PTTG1IP2: variants seen among roughly 807,000 people sequenced by gnomAD.
PTTG1IP2 encodes the protein PTTG1IP family member 2.
At chr7:90,511,200 C>G (rs1798186126) in intron 6 of PTTG1IP2, among the ~76,000 whole-genome samples, 1 of 152,018 alleles carries the variant, frequency 6.6e-6, no homozygotes, top group Non-Finnish European at 1.5e-5. Flanking sequence ...CTTTCATAAC[C>G]CCTCTTAGGA....
chr7:90,502,435 T>G (rs917879654), intron 6 of PTTG1IP2, among the ~76,000 whole-genome samples: 1 of 152,248 alleles, frequency 6.6e-6, no homozygotes, highest in Non-Finnish European at 1.5e-5. Context: ...TAATGGCATC[T>G]ATAATGGTGG....
intron 2 of PTTG1IP2, among the ~76,000 whole-genome samples, chr7:90,481,278 T>C (rs1251787302): frequency 1.3e-5 from 2 of 152,158 alleles, no homozygotes; most frequent in Non-Finnish European, 2.9e-5. Context: ...ATGCAATGCA[T>C]ACACCCTCTT....
At chr7:90,512,629 T>C (rs1798203761) in intron 6 of PTTG1IP2, among the ~76,000 whole-genome samples, 1 of 152,174 alleles carries the variant, frequency 6.6e-6, no homozygotes, top group African/African-American at 2.4e-5. Context: ...AGCTGAGCTT[T>C]AGACTATAAA....
intron 6 of PTTG1IP2, among the ~76,000 whole-genome samples, chr7:90,499,447 G>T (rs1485254892): frequency 6.6e-6 from 1 of 152,070 alleles, no homozygotes; most frequent in Admixed American, 6.5e-5. Context: ...AGATGCTATT[G>T]TAGGGGGACA....
At chr7:90,505,610 A>G (rs561413410) in intron 6 of PTTG1IP2, among the ~76,000 whole-genome samples, 3 of 152,324 alleles carry the variant, frequency 2.0e-5, no homozygotes, top group Non-Finnish European at 2.9e-5. Context: ...TATGAGTGGC[A>G]GAATGACAAT....
intron 5 of PTTG1IP2, among the ~76,000 whole-genome samples, chr7:90,493,575 G>A (rs866681666): frequency 2.4e-4 from 36 of 152,296 alleles, no homozygotes; most frequent in Middle Eastern, 3.4e-3. Flanking sequence ...AGGTAGACAC[G>A]GTTATCTTTA....
intron 2 of PTTG1IP2, among the ~76,000 whole-genome samples, chr7:90,486,538 C>A (rs1196502641): frequency 7.0e-6 from 1 of 143,666 alleles, no homozygotes; most frequent in Non-Finnish European, 1.5e-5. Context: ...CACCTTTATG[C>A]CTTGCTTAAG....
intron 1 of PTTG1IP2, among the ~76,000 whole-genome samples, chr7:90,472,498 G>A (rs914504530): frequency 1.3e-5 from 2 of 152,102 alleles, no homozygotes; most frequent in African/African-American, 4.8e-5. Flanking sequence ...TAAATTGAAG[G>A]CCAAATAATT....
At chr7:90,498,766 T>C (rs569239732) in intron 6 of PTTG1IP2, among the ~76,000 whole-genome samples, 21 of 152,352 alleles carry the variant, frequency 1.4e-4, no homozygotes, top group African/African-American at 5.1e-4. Flanking sequence ...TTGTGGAGGA[T>C]ATATAAGCTA....
chr7:90,484,381 G>A (rs941270417), intron 2 of PTTG1IP2, among the ~76,000 whole-genome samples: 2 of 151,962 alleles, frequency 1.3e-5, no homozygotes. Flanking sequence ...CAATTGTGAT[G>A]TCCATATAAG....
chr7:90,469,910 C>T lies in PTTG1IP2; in HGVS notation c.124C>T (p.Pro42Ser), dbSNP rs561454943. The T allele has an allele frequency of 1.3e-5, 2 of 152,754 alleles. No homozygotes were observed. The highest frequency in any genetic ancestry group is 4.1e-4 in the South Asian group (2 of 4,824). 9.5% of individuals were successfully genotyped at this position (152,754 alleles called of 1,614,324 possible). The stretch of plus-strand genomic sequence containing the variant: ...CCACAGCCCCAGGAACAATCAGAAA[C>T]CAAGAGATGGGAATGAAGAGGGTGA... ...FIHSPRNNQKPRDGNEEECAV... is the reference protein window; with the variant it reads ...FIHSPRNNQKSRDGNEEECAV... The change falls in exon 1 of 7, where the codon CCA becomes TCA. Residue 42 changes from proline to serine, a missense_variant. Pro to Ser is a moderately conservative substitution (Grantham distance 74). Coordinates refer to ENST00000509356, the MANE Select transcript of PTTG1IP2 (RefSeq NM_001365443.2).
chr7:90,506,395 A>G (rs532569551), intron 6 of PTTG1IP2, among the ~76,000 whole-genome samples: 102 of 152,264 alleles, frequency 6.7e-4, no homozygotes, highest in Non-Finnish European at 1.0e-3. Context: ...CCAGTTTGGT[A>G]TTGAGTGCCA....
chr7:90,501,064 A>T (rs970058639), intron 6 of PTTG1IP2, among the ~76,000 whole-genome samples: 2 of 152,212 alleles, frequency 1.3e-5, no homozygotes, highest in African/African-American at 4.8e-5. Context: ...AATTGATTTT[A>T]CCTTGGATTG....
intron 6 of PTTG1IP2, among the ~76,000 whole-genome samples, chr7:90,509,044 C>A: frequency 6.6e-6 from 1 of 151,094 alleles, no homozygotes; most frequent in Non-Finnish European, 1.5e-5. Flanking sequence ...GAAATCTCCA[C>A]ATAGGGATAT....
chr7:90,501,078 C>G (rs181195650), intron 6 of PTTG1IP2, among the ~76,000 whole-genome samples: 1 of 152,138 alleles, frequency 6.6e-6, no homozygotes, highest in African/African-American at 2.4e-5. Context: ...TGGATTGACC[C>G]AAAGCAGAGA....
chr7:90,486,684 G>A (rs753436953), intron 2 of PTTG1IP2, among the ~76,000 whole-genome samples: 44 of 152,252 alleles, frequency 2.9e-4, no homozygotes, highest in Admixed American at 2.0e-3. Context: ...CCAAAGGAAA[G>A]AGTCGGGGAT....
At chr7:90,472,397 ACAAT>A (rs1181006728) in intron 1 of PTTG1IP2, among the ~76,000 whole-genome samples, 2 of 152,154 alleles carry the variant, frequency 1.3e-5, no homozygotes, top group Non-Finnish European at 1.5e-5. Context: ...GAGCTAGAGA[ACAAT>A]CAAACGAGAA....
In PTTG1IP2 at chr7:90,472,331, T is replaced by C. The variant is rs568513076; in HGVS notation, c.145+2400T>C. Among the ~76,000 whole-genome samples, 6 of 146,950 alleles carry C rather than the reference T, an allele frequency of 4.1e-5. No homozygotes were observed. In the East Asian group the frequency reaches 1.2e-3, roughly 29 times the overall value. The stretch of plus-strand genomic sequence containing the variant: ...ACACACACACACACACCCCAAATAA[T>C]CTACCCTAGAAGAGAACACAACTCA... On this transcript the variant is annotated intron_variant, in intron 1 of 6. Coordinates refer to ENST00000509356, the MANE Select transcript of PTTG1IP2 (RefSeq NM_001365443.2).
chr7:90,487,011 T>A (rs143805177), intron 2 of PTTG1IP2, among the ~76,000 whole-genome samples: 117 of 152,264 alleles, frequency 7.7e-4, no homozygotes, highest in Non-Finnish European at 1.4e-3. Flanking sequence ...GAGGCAAGGA[T>A]GCCCACTGTT....
Sources: allele counts gnomAD v4.1 joint callset (sites outside exome capture counted in the v4.1 genomes callset), GRCh38; gene constraint gnomAD v4.1.1; transcripts MANE v1.5; gene names NCBI Gene and HGNC (gene_info 2026-07-23, HGNC 2026-07-21).